The following ABCC4 variants were observed in gnomAD, a reference collection of about 807,000 sequenced individuals.
ABCC4 encodes the protein ATP binding cassette subfamily C member 4 (PEL blood group).
ABCC4 carries 102 observed loss-of-function variants against 168.5 expected under a neutral mutation model. The ratio of observed to expected loss-of-function variants is 0.61; its 90% confidence interval spans 0.52 to 0.71. The LOEUF is 0.71. Among genes scored for constraint, ABCC4 ranks in the 30% least tolerant of loss-of-function variants. The pLI is 0.00. For missense variants in ABCC4, 1,402 were observed against 1,605.8 expected, an observed-to-expected ratio of 0.87 and a Z score of 2.17; for synonymous variants, 617 against 590.7, an observed-to-expected ratio of 1.04 and a Z score of -0.65.
chr13:95,114,728 G>A (rs1335725575), intron 20 of ABCC4, among the ~76,000 whole-genome samples: 1 of 152,076 alleles, frequency 6.6e-6, no homozygotes, highest in East Asian at 1.9e-4. Context: ...TGACAAACAG[G>A]AATTCCTATA....
At chr13:95,053,960 A>G (rs1306408717) in intron 26 of ABCC4, 1 of 130,972 alleles carries the variant, frequency 7.6e-6, no homozygotes, top group African/African-American at 2.8e-5. Flanking sequence ...CTGGGCAACA[A>G]GAGCAAAACT....
intron 1 of ABCC4, among the ~76,000 whole-genome samples, chr13:95,283,639 C>T (rs879792506): frequency 2.0e-5 from 3 of 152,134 alleles, no homozygotes; most frequent in East Asian, 3.9e-4. Context: ...GAGAGGGGGC[C>T]AGGCACAGTG....
At chr13:95,225,177 A>T (rs1243483576) in intron 4 of ABCC4, among the ~76,000 whole-genome samples, 9 of 144,966 alleles carry the variant, frequency 6.2e-5, no homozygotes, top group South Asian at 4.2e-4. Flanking sequence ...ACACACACAC[A>T]CACACACACA....
chr13:95,063,861 A>G (rs1476853883), intron 25 of ABCC4, among the ~76,000 whole-genome samples: 1 of 152,222 alleles, frequency 6.6e-6, no homozygotes, highest in African/African-American at 2.4e-5. Context: ...CACAACTGCA[A>G]ATTTCCTGGT....
At chr13:95,029,237 GAGAGAGAGAGAGAGAGAA>G (rs1236429378) in intron 30 of ABCC4, among the ~76,000 whole-genome samples, 3,152 of 10,680 alleles carry the variant, frequency 0.3, 161 homozygotes, top group Non-Finnish European at 0.39. Flanking sequence ...GAGAGAGAGA[GAGAGAGAGAGAGAGAGAA>G]AGAGAGAGAG....
intron 1 of ABCC4, among the ~76,000 whole-genome samples, chr13:95,294,677 G>A (rs1465065413): frequency 6.6e-6 from 1 of 152,180 alleles, no homozygotes; most frequent in African/African-American, 2.4e-5. Flanking sequence ...TCCAGGCTGG[G>A]CATGGCGGCT....
At chr13:95,122,498 T>C (rs1484303869) in intron 19 of ABCC4, among the ~76,000 whole-genome samples, 2 of 152,220 alleles carry the variant, frequency 1.3e-5, no homozygotes, top group Non-Finnish European at 2.9e-5. Context: ...TACATCCTTA[T>C]TTATTCATCT....
intron 14 of ABCC4, chr13:95,170,274 A>G (rs2037423048): frequency 5.5e-6 from 2 of 363,510 alleles, no homozygotes; most frequent in Non-Finnish European, 9.9e-6. Flanking sequence ...TAAGTCATGG[A>G]AGAGGTAAAC....
intron 9 of ABCC4, among the ~76,000 whole-genome samples, chr13:95,189,042 C>T (rs1216329939): frequency 2.0e-5 from 3 of 151,976 alleles, no homozygotes; most frequent in African/African-American, 7.2e-5. Flanking sequence ...CTCTCCCTCC[C>T]CTTGCCCCCC....
At chr13:95,290,431 G>A (rs773495971) in intron 1 of ABCC4, among the ~76,000 whole-genome samples, 1 of 152,164 alleles carries the variant, frequency 6.6e-6, no homozygotes, top group Non-Finnish European at 1.5e-5. Context: ...ATGGCCGGGT[G>A]TGGTGTCTCA....
At chr13:95,143,264 C>T (rs1566460320) in intron 19 of ABCC4, among the ~76,000 whole-genome samples, 1 of 152,066 alleles carries the variant, frequency 6.6e-6, no homozygotes, top group Non-Finnish European at 1.5e-5. Flanking sequence ...GCTTGAAAGG[C>T]ACTTGGCTGT....
chr13:95,206,442 A>T, intron 8 of ABCC4, 90 bp downstream of exon 8: 1 of 1,525,360 alleles, frequency 6.6e-7, no homozygotes, highest in Non-Finnish European at 8.9e-7. Flanking sequence ...GTTAAATGTC[A>T]TTACACTGGA....
chr13:95,235,784 C>A (rs1032129459), intron 3 of ABCC4, among the ~76,000 whole-genome samples: 1 of 152,108 alleles, frequency 6.6e-6, no homozygotes, highest in Non-Finnish European at 1.5e-5. Context: ...ATGTTTCTGC[C>A]CCCTACAAGC....
intron 20 of ABCC4, among the ~76,000 whole-genome samples, chr13:95,101,085 G>A (rs1409236093): frequency 6.6e-6 from 1 of 152,180 alleles, no homozygotes; most frequent in Admixed American, 6.5e-5. Context: ...TCCAGATGCA[G>A]CAGCTTTTTC....
intron 4 of ABCC4, among the ~76,000 whole-genome samples, chr13:95,229,481 C>T (rs973458646): frequency 6.6e-6 from 1 of 152,194 alleles, no homozygotes; most frequent in African/African-American, 2.4e-5. Flanking sequence ...GGCTCAGGTA[C>T]TGCTGTAGCT....
intron 25 of ABCC4, among the ~76,000 whole-genome samples, chr13:95,066,282 C>T (rs1421789950): frequency 6.6e-6 from 1 of 152,224 alleles, no homozygotes; most frequent in Non-Finnish European, 1.5e-5. Context: ...CCACTTGTCC[C>T]CTCGTGTGGA....
intron 30 of ABCC4, among the ~76,000 whole-genome samples, chr13:95,029,240 AG>A (rs1459190345): frequency 5.7e-4 from 3 of 5,238 alleles, no homozygotes; most frequent in African/African-American, 6.8e-4. Flanking sequence ...AGAGAGAGAG[AG>A]AGAGAGAGAG....
At chr13:95,045,042 G>A (rs2032518304) in intron 27 of ABCC4, among the ~76,000 whole-genome samples, 1 of 152,066 alleles carries the variant, frequency 6.6e-6, no homozygotes, top group Non-Finnish European at 1.5e-5. Flanking sequence ...TAGAGTTGTT[G>A]GAAAAAAATC....
At chr13:95,135,194 A>G (rs2036106324) in intron 19 of ABCC4, among the ~76,000 whole-genome samples, 1 of 152,172 alleles carries the variant, frequency 6.6e-6, no homozygotes, top group South Asian at 2.1e-4. Flanking sequence ...TGCAAGAGAC[A>G]CCAGCACGAG....
Sources: gnomAD v4.1 joint callset for allele counts (sites outside exome capture counted in the v4.1 genomes callset) on GRCh38, gnomAD v4.1.1 for gene constraint, MANE v1.5 for transcripts, NCBI Gene and HGNC (gene_info 2026-07-23, HGNC 2026-07-21) for gene names.